FHIT: variants seen among roughly 807,000 people sequenced by gnomAD.
FHIT encodes the protein bis(5'-adenosyl)-triphosphatase.
FHIT carries 19 observed loss-of-function variants against 17.9 expected under a neutral mutation model. The observed-to-expected ratio is 1.06, with a 90% CI of 0.74 to 1.56. The LOEUF (loss-of-function observed/expected upper bound fraction) is 1.56, where lower values mean the gene tolerates loss of function less well. Ranked by LOEUF, FHIT falls within the 40% of genes most tolerant of loss-of-function variation. FHIT has a pLI of 0.00. For synonymous variants in FHIT, 81 were observed against 69.7 expected (o/e 1.16, Z -0.81); for missense variants, 248 against 189.2 (o/e 1.31, Z -1.82).
intron 5 of FHIT, among the ~76,000 whole-genome samples, chr3:60,043,601 C>G (rs187554930): frequency 9.9e-4 from 150 of 152,256 alleles, no homozygotes; most frequent in Admixed American, 3.1e-3. Context: ...CTCTTTCAAC[C>G]TTTTGAACCT....
At chr3:60,619,641 G>C (rs1553677590) in intron 4 of FHIT, among the ~76,000 whole-genome samples, 2 of 113,764 alleles carry the variant, frequency 1.8e-5, no homozygotes, top group Admixed American at 8.6e-5. Context: ...TCTAGACAAA[G>C]ACCTCACACT....
intron 5 of FHIT, among the ~76,000 whole-genome samples, chr3:60,151,013 T>C (rs1264501250): frequency 6.6e-6 from 1 of 152,228 alleles, no homozygotes; most frequent in African/African-American, 2.4e-5. Flanking sequence ...ATAATATGCT[T>C]ATATGGCAAT....
chr3:60,620,324 T>C (rs1295492419), intron 4 of FHIT, among the ~76,000 whole-genome samples: 1 of 152,218 alleles, frequency 6.6e-6, no homozygotes, highest in Non-Finnish European at 1.5e-5. Flanking sequence ...GAAAACTTAT[T>C]TCTACACAAA....
chr3:60,873,695 T>C (rs771735889), intron 3 of FHIT, among the ~76,000 whole-genome samples: 17 of 152,208 alleles, frequency 1.1e-4, no homozygotes, highest in African/African-American at 4.1e-4. Context: ...AACTGGCTGA[T>C]AGCTGTAAAG....
At chr3:60,386,433 A>G (rs1446501585) in intron 5 of FHIT, among the ~76,000 whole-genome samples, 2 of 152,196 alleles carry the variant, frequency 1.3e-5, no homozygotes, top group African/African-American at 2.4e-5. Flanking sequence ...TCACCTCACA[A>G]TATCTATAAA....
At chr3:61,249,933 AACACACACAC>A (rs71100943) in intron 1 of FHIT, among the ~76,000 whole-genome samples, 6,478 of 126,044 alleles carry the variant, frequency 0.051, 380 homozygotes, top group African/African-American at 0.14. Context: ...AATCAATAAC[AACACACACAC>A]ACACACACAC....
rs114861720 is a variant in FHIT, at chr3:60,250,210, A to G, written c.104-236058T>C. ...GATAAAGTCGCACCTACAGCTGAGCAAGATAGTTTCCAATTATCCTAGCCA... is the reference window on the plus strand; with the variant it reads ...GATAAAGTCGCACCTACAGCTGAGCGAGATAGTTTCCAATTATCCTAGCCA... On this transcript the variant is annotated intron_variant, in intron 5 of 9. Coordinates refer to ENST00000492590, the MANE Select transcript of FHIT (RefSeq NM_002012.4). Among the ~76,000 whole-genome samples the G allele has an allele frequency of 7.6e-3, 1,152 of 152,310 alleles. 10 individuals carry two copies. Among genetic ancestry groups the G allele is most frequent in the African/African-American group, 0.026 (1,076 of 41,566 alleles).
At chr3:59,851,559 A>G (rs1701936455) in intron 8 of FHIT, among the ~76,000 whole-genome samples, 1 of 152,294 alleles carries the variant, frequency 6.6e-6, no homozygotes, top group East Asian at 1.9e-4. Flanking sequence ...AGCCCATTCA[A>G]TTATCACTTG....
intron 5 of FHIT, among the ~76,000 whole-genome samples, chr3:60,037,628 C>T (rs749285669): frequency 5.9e-5 from 9 of 151,930 alleles, no homozygotes; most frequent in Non-Finnish European, 1.0e-4. Flanking sequence ...GTGATCCGCC[C>T]GACTTGGCCT....
At chr3:60,291,867 G>A (rs1244940618) in intron 5 of FHIT, among the ~76,000 whole-genome samples, 1 of 152,120 alleles carries the variant, frequency 6.6e-6, no homozygotes, top group Non-Finnish European at 1.5e-5. Flanking sequence ...AGGAATATCA[G>A]GAGCCACTAG....
At chr3:59,776,830 T>C (rs1702345055) in intron 8 of FHIT, among the ~76,000 whole-genome samples, 1 of 152,180 alleles carries the variant, frequency 6.6e-6, no homozygotes, top group South Asian at 2.1e-4. Context: ...TTATTACAGA[T>C]GAGGAAATTA....
At chr3:60,516,532 C>A in intron 5 of FHIT, among the ~76,000 whole-genome samples, 1 of 152,114 alleles carries the variant, frequency 6.6e-6, no homozygotes, top group African/African-American at 2.4e-5. Flanking sequence ...TAGAGTTAGA[C>A]CACCTGGATT....
chr3:60,224,174 C>G (rs1704085357), intron 5 of FHIT, among the ~76,000 whole-genome samples: 1 of 152,096 alleles, frequency 6.6e-6, no homozygotes, highest in African/African-American at 2.4e-5. Context: ...TGGAGGAGTA[C>G]CGATTTTATC....
At chr3:60,962,509 A>C (rs1709506566) in intron 3 of FHIT, among the ~76,000 whole-genome samples, 2 of 152,214 alleles carry the variant, frequency 1.3e-5, no homozygotes, top group Non-Finnish European at 2.9e-5. Context: ...GTCTTGTGCC[A>C]GTTTTCAAAG....
chr3:60,395,970 A>T (rs993741473), intron 5 of FHIT, among the ~76,000 whole-genome samples: 4 of 151,948 alleles, frequency 2.6e-5, no homozygotes, highest in Non-Finnish European at 5.9e-5. Flanking sequence ...AATAATGTCA[A>T]CTCCACAACA....
At chr3:60,004,948 A>C (rs1275689067) in intron 7 of FHIT, among the ~76,000 whole-genome samples, 2 of 152,192 alleles carry the variant, frequency 1.3e-5, no homozygotes, top group Non-Finnish European at 2.9e-5. Flanking sequence ...CCCAAGAGAC[A>C]GGATACTCTT....
rs995918650 is a variant in FHIT, at chr3:60,063,872, T to C, written c.104-49720A>G. On this transcript the variant is annotated intron_variant, in intron 5 of 9. Coordinates refer to ENST00000492590, the MANE Select transcript of FHIT (RefSeq NM_002012.4). ...ATTGGGTTAAACGCGTTTTGATTTA[T>C]CAATACAAAACAATATGTACAGCTA... is the stretch of plus-strand genomic sequence containing the variant. Among the ~76,000 whole-genome samples, 5 of 152,204 alleles carry C rather than the reference T, an allele frequency of 3.3e-5. No individual in the cohort carries two copies. In the East Asian group the frequency reaches 7.7e-4, roughly 23 times the overall value.
chr3:60,682,267 G>A lies in FHIT; in HGVS notation c.-18+139652C>T, dbSNP rs774689316. Among the ~76,000 whole-genome samples the A allele has an allele frequency of 6.6e-5, 10 of 152,226 alleles. No individual in the cohort carries two copies. In the East Asian group the frequency reaches 9.7e-4, roughly 15 times the overall value. ...ATTACAGGGGTAAGCCACCACACCC[G>A]GCCAAAGGCAGATTTTCAAGAGAGA... On this transcript the variant is annotated intron_variant, in intron 4 of 9. Coordinates refer to ENST00000492590, the MANE Select transcript of FHIT (RefSeq NM_002012.4).
intron 2 of FHIT, among the ~76,000 whole-genome samples, chr3:61,165,301 G>A (rs2037805053): frequency 1.3e-5 from 2 of 152,100 alleles, no homozygotes; most frequent in Admixed American, 1.3e-4. Context: ...ACCAACATGT[G>A]TTGTTTTTAG....
Sources: gnomAD v4.1 joint callset for allele counts (sites outside exome capture counted in the v4.1 genomes callset) on GRCh38, gnomAD v4.1.1 for gene constraint, MANE v1.5 for transcripts, NCBI Gene and HGNC (gene_info 2026-07-23, HGNC 2026-07-21) for gene names.